The following FHIT variants were observed in gnomAD, a reference collection of about 807,000 sequenced individuals.
The protein encoded by FHIT is bis(5'-adenosyl)-triphosphatase.
FHIT carries 19 observed loss-of-function variants against 17.9 expected under a neutral mutation model. The observed-to-expected ratio is 1.06, with a 90% CI of 0.74 to 1.56. The LOEUF is 1.56. Among genes scored for constraint, FHIT ranks in the 40% most tolerant of loss-of-function variants. The pLI is 0.00. For missense variants in FHIT, 248 were observed against 189.2 expected, an observed-to-expected ratio of 1.31 and a Z score of -1.82; for synonymous variants, 81 against 69.7, an observed-to-expected ratio of 1.16 and a Z score of -0.81.
intron 5 of FHIT, among the ~76,000 whole-genome samples, chr3:60,527,349 G>A (rs1291274427): frequency 6.6e-6 from 1 of 152,160 alleles, no homozygotes; most frequent in Non-Finnish European, 1.5e-5. Flanking sequence ...CATCTTTGGT[G>A]AATGGAAGGG....
chr3:60,732,531 A>C, intron 4 of FHIT: 2 of 656,964 alleles, frequency 3.0e-6, no homozygotes, highest in East Asian at 6.8e-5. Flanking sequence ...AGAGCACGAA[A>C]GTTTTCTGCT....
intron 8 of FHIT, among the ~76,000 whole-genome samples, chr3:59,872,304 C>A (rs993907212): frequency 1.3e-5 from 2 of 152,122 alleles, no homozygotes; most frequent in Non-Finnish European, 2.9e-5. Context: ...CAGGAAGAAA[C>A]AACCCTAAAG....
chr3:60,546,668 T>A (rs914962437), intron 4 of FHIT, among the ~76,000 whole-genome samples: 7 of 152,176 alleles, frequency 4.6e-5, no homozygotes, highest in African/African-American at 1.7e-4. Context: ...TTTCTGGCCT[T>A]TAGTCCTCCC....
At chr3:60,814,056 T>C (rs1051159911) in intron 4 of FHIT, among the ~76,000 whole-genome samples, 1 of 152,196 alleles carries the variant, frequency 6.6e-6, no homozygotes, top group African/African-American at 2.4e-5. Flanking sequence ...AGCATTTTTT[T>C]GAATATTTAT....
intron 1 of FHIT, among the ~76,000 whole-genome samples, chr3:61,219,478 T>C (rs1467724811): frequency 6.6e-6 from 1 of 152,072 alleles, no homozygotes; most frequent in Non-Finnish European, 1.5e-5. Flanking sequence ...TAGCCCTCTC[T>C]TTCCCATGTT....
intron 4 of FHIT, among the ~76,000 whole-genome samples, chr3:60,659,368 A>G (rs146408871): frequency 6.6e-6 from 1 of 151,904 alleles, no homozygotes; most frequent in East Asian, 1.9e-4. Flanking sequence ...TAATCTCTCT[A>G]TTCTTTCTCT....
intron 4 of FHIT, among the ~76,000 whole-genome samples, chr3:60,795,883 T>A (rs1327592608): frequency 1.3e-5 from 2 of 152,166 alleles, no homozygotes; most frequent in Non-Finnish European, 2.9e-5. Context: ...TGGCATTGTT[T>A]TCAAGGTGTG....
rs562537477 is a variant in FHIT at position 59,903,823 on chromosome 3, A to G, written c.348+18523T>C. Among the ~76,000 whole-genome samples, 47 of 152,360 alleles carry G rather than the reference A, an allele frequency of 3.1e-4. 1 individual carries two copies. The highest frequency in any genetic ancestry group is 1.9e-3 in the South Asian group (9 of 4,824). Reference sequence around the variant, plus strand: ...AGCAAATGGCTCATGAATGCAAGGGATAAGTTGAAGAGAAGGCAAAGTTAG... The same window carrying G: ...AGCAAATGGCTCATGAATGCAAGGGGTAAGTTGAAGAGAAGGCAAAGTTAG... On this transcript the variant is annotated intron_variant, in intron 8 of 9. Coordinates refer to ENST00000492590, the MANE Select transcript of FHIT (RefSeq NM_002012.4).
At chr3:60,721,353 T>G (rs1261563510) in intron 4 of FHIT, among the ~76,000 whole-genome samples, 1 of 152,186 alleles carries the variant, frequency 6.6e-6, no homozygotes, top group Non-Finnish European at 1.5e-5. Flanking sequence ...TTTGAACTTT[T>G]CAAAATGTGA....
chr3:60,750,149 G>A (rs189560490), intron 4 of FHIT, among the ~76,000 whole-genome samples: 1 of 152,280 alleles, frequency 6.6e-6, no homozygotes, highest in African/African-American at 2.4e-5. Flanking sequence ...GAGGGCAATG[G>A]AGGAAGAGTT....
intron 5 of FHIT, among the ~76,000 whole-genome samples, chr3:60,385,339 T>C (rs915436679): frequency 6.6e-6 from 1 of 152,208 alleles, no homozygotes. Context: ...AAATGCAGTA[T>C]ACATGGCTTT....
At chr3:61,107,018 A>G (rs1347129043) in intron 2 of FHIT, among the ~76,000 whole-genome samples, 1 of 152,164 alleles carries the variant, frequency 6.6e-6, no homozygotes, top group Non-Finnish European at 1.5e-5. Context: ...CTTTTCAAGA[A>G]AATAATACAT....
In FHIT at chr3:60,322,220, C is replaced by A. The variant is rs547185944; in HGVS notation, c.103+214640G>T. On this transcript the variant is annotated intron_variant, in intron 5 of 9. Transcript: ENST00000492590. ...TCCTGCTCTGTGTATTTCAGGAGAT[C>A]CTGGAGTATATTAGCACTAAAATGT... Among the ~76,000 whole-genome samples, 6 of 152,256 alleles carry A rather than the reference C, an allele frequency of 3.9e-5. No homozygotes were observed. In the East Asian group the frequency reaches 1.2e-3, roughly 29 times the overall value.
chr3:60,421,042 T>G (rs971209946), intron 5 of FHIT, among the ~76,000 whole-genome samples: 1 of 151,986 alleles, frequency 6.6e-6, no homozygotes, highest in South Asian at 2.1e-4. Flanking sequence ...TTTTTTTTTT[T>G]TTTTTCTAAA....
At chr3:60,106,614 G>A (rs868575885) in intron 5 of FHIT, among the ~76,000 whole-genome samples, 1 of 152,158 alleles carries the variant, frequency 6.6e-6, no homozygotes, top group Admixed American at 6.5e-5. Context: ...GGGTACTGTT[G>A]TATATCAAAC....
chr3:60,547,545 T>G (rs2036407969), intron 4 of FHIT, among the ~76,000 whole-genome samples: 1 of 152,162 alleles, frequency 6.6e-6, no homozygotes, highest in Non-Finnish European at 1.5e-5. Flanking sequence ...ATATATGATT[T>G]CAACATTCTT....
intron 5 of FHIT, among the ~76,000 whole-genome samples, chr3:60,062,872 G>A (rs1319435517): frequency 6.6e-6 from 1 of 152,126 alleles, no homozygotes; most frequent in Non-Finnish European, 1.5e-5. Flanking sequence ...GGAGGGAATA[G>A]ATGTTAATAG....
At chr3:59,952,821 C>G (rs532990685) in intron 7 of FHIT, among the ~76,000 whole-genome samples, 1 of 152,260 alleles carries the variant, frequency 6.6e-6, no homozygotes, top group East Asian at 1.9e-4. Flanking sequence ...ACGTCCTTAT[C>G]CATTAGGGTC....
chr3:60,340,928 GA>G (rs1710484558), intron 5 of FHIT, among the ~76,000 whole-genome samples: 1 of 152,128 alleles, frequency 6.6e-6, no homozygotes, highest in African/African-American at 2.4e-5. Context: ...CTGACCTTGT[GA>G]TGCGCCCATC....
Sources: gnomAD v4.1 joint callset for allele counts (sites outside exome capture counted in the v4.1 genomes callset) on GRCh38, gnomAD v4.1.1 for gene constraint, MANE v1.5 for transcripts, NCBI Gene and HGNC (gene_info 2026-07-23, HGNC 2026-07-21) for gene names.